Variants in IL7 observed in about 807,000 individuals in gnomAD.
The protein encoded by IL7 is interleukin 7, also known as interleukin-7.
Under a neutral mutation model 21.6 loss-of-function variants are expected in IL7, and 3 were observed. The observed-to-expected ratio is 0.14, with a 90% CI of 0.06 to 0.36. The LOEUF (loss-of-function observed/expected upper bound fraction) is 0.36. IL7 is among the 10% of genes least tolerant of loss of function. The pLI, the probability that IL7 is intolerant of heterozygous loss-of-function variation, is 1.00. For missense variants in IL7, 175 were observed against 200.2 expected, an observed-to-expected ratio of 0.87 and a Z score of 0.76; for synonymous variants, 62 against 68.1, an observed-to-expected ratio of 0.91 and a Z score of 0.44.
chr8:78,721,221 G>A (rs573991764), intron 4 of IL7: 4 of 152,036 alleles, frequency 2.6e-5, no homozygotes, highest in Admixed American at 6.6e-5. Flanking sequence ...CAAAAAGTGC[G>A]GCAGAAATAT....
At chr8:78,791,865 C>T (rs188123608) in intron 2 of IL7, among the ~76,000 whole-genome samples, 1 of 152,112 alleles carries the variant, frequency 6.6e-6, no homozygotes. Context: ...TTAGTAATTG[C>T]TCAGAGATAT....
At chr8:78,762,056 T>A in intron 2 of IL7, 2 of 1,603,728 alleles carry the variant, frequency 1.2e-6, no homozygotes, top group Non-Finnish European at 1.7e-6. Flanking sequence ...TTGTTCCTGC[T>A]CAGAAGTTTC....
At chr8:78,790,935 G>T (rs1170952492) in intron 2 of IL7, among the ~76,000 whole-genome samples, 2 of 147,614 alleles carry the variant, frequency 1.4e-5, no homozygotes, top group African/African-American at 2.5e-5. Flanking sequence ...AAAAAAAAAA[G>T]TAAAATGATT....
chr8:78,786,757 A>G (rs929336075), intron 2 of IL7, among the ~76,000 whole-genome samples: 1 of 152,044 alleles, frequency 6.6e-6, no homozygotes, highest in Non-Finnish European at 1.5e-5. Context: ...GAAACCTCCA[A>G]AGGAATGTCT....
intron 2 of IL7, among the ~76,000 whole-genome samples, chr8:78,792,176 T>C (rs1813719715): frequency 6.6e-6 from 1 of 152,042 alleles, no homozygotes; most frequent in Non-Finnish European, 1.5e-5. Flanking sequence ...TGTCCAGACA[T>C]TCAATGAGGG....
At chr8:78,737,085 T>G (rs1811618511) in intron 4 of IL7, among the ~76,000 whole-genome samples, 1 of 152,166 alleles carries the variant, frequency 6.6e-6, no homozygotes, top group Admixed American at 6.5e-5. Flanking sequence ...AAGATTTAAA[T>G]TATTTGCATA....
At chr8:78,722,521 CCA>C (rs1811259812) in intron 3 of IL7, among the ~76,000 whole-genome samples, 1 of 151,808 alleles carries the variant, frequency 6.6e-6, no homozygotes, top group African/African-American at 2.4e-5. Flanking sequence ...GGTATAGAAA[CCA>C]CACCCTATGT....
chr8:78,700,291 G>C (rs893293448), intron 3 of IL7, among the ~76,000 whole-genome samples: 1 of 151,868 alleles, frequency 6.6e-6, no homozygotes, highest in South Asian at 2.1e-4. Flanking sequence ...GTTCATGTCT[G>C]TTGTCCACTT....
intron 3 of IL7, chr8:78,686,480 A>G: frequency 6.6e-7 from 1 of 1,506,868 alleles, no homozygotes. Context: ...GAACCACCAA[A>G]GAAACCATCT....
At chr8:78,732,242 G>GA (rs1326407644), downstream of IL7, among the ~76,000 whole-genome samples, 1 of 152,014 alleles carries the variant, frequency 6.6e-6, no homozygotes, top group Non-Finnish European at 1.5e-5. Flanking sequence ...TAACCAAACA[G>GA]AAAAAAATAC....
At chr8:78,724,395 A>G (rs1197447928) in intron 3 of IL7, among the ~76,000 whole-genome samples, 2 of 151,964 alleles carry the variant, frequency 1.3e-5, no homozygotes, top group East Asian at 3.9e-4. Flanking sequence ...CTGTTTTCAT[A>G]TATTTGCCTA....
At chr8:78,722,285 GTTTATT>G (rs1247682174) in intron 3 of IL7, among the ~76,000 whole-genome samples, 6 of 151,866 alleles carry the variant, frequency 4.0e-5, no homozygotes, top group Non-Finnish European at 7.4e-5. Context: ...ACTTAAGCTA[GTTTATT>G]TTTATAAAAG....
At position 78,711,906 on chromosome 8, in the gene IL7, A is replaced by G. The variant is rs557256993; in HGVS notation, n.214+9442T>C. 6.3e-6 allele frequency: 5 copies of G among 790,532 alleles called. No individual in the cohort carries two copies. The African/African-American group carries it at 9.1e-5, about 14-fold the overall frequency. The allele number at this position is 790,532 out of a possible 1,614,324, so 49.0% of individuals were successfully genotyped here. On this transcript the variant is annotated intron_variant and non_coding_transcript_variant, in intron 3 of 4. Transcript: ENST00000523959. ...GACTTGGGGAGTAGATATCTGATGA[A>G]CCAGAATAATGTCTTTTAAAAAAAC...
intron 2 of IL7, among the ~76,000 whole-genome samples, chr8:78,768,402 T>C (rs1812831851): frequency 1.3e-5 from 2 of 149,312 alleles, no homozygotes; most frequent in African/African-American, 4.9e-5. Flanking sequence ...GTAAAAGTGT[T>C]CCTATTTCTC....
At chr8:78,679,098 T>G (rs1355411697) in intron 4 of IL7, 1 of 152,462 alleles carries the variant, frequency 6.6e-6, no homozygotes, top group Non-Finnish European at 1.5e-5. Flanking sequence ...CATTTTAGCA[T>G]AATAGATACT....
At chr8:78,722,947 A>G (rs1811268002) in intron 3 of IL7, among the ~76,000 whole-genome samples, 1 of 151,770 alleles carries the variant, frequency 6.6e-6, no homozygotes, top group Non-Finnish European at 1.5e-5. Context: ...GGCACTTTAA[A>G]GATAGCAATC....
chr8:78,698,606 C>G, intron 3 of IL7: 1 of 946,404 alleles, frequency 1.1e-6, no homozygotes, highest in Non-Finnish European at 1.5e-6. Context: ...CATTCATCTT[C>G]ATTTCCTAAG....
intron 2 of IL7, among the ~76,000 whole-genome samples, chr8:78,743,898 C>T (rs757401894): frequency 1.3e-5 from 2 of 152,078 alleles, no homozygotes; most frequent in Admixed American, 1.3e-4. Context: ...TTTCCGGTAG[C>T]TGAAGGTATC....
chr8:78,775,500 A>G (rs1339355019), intron 2 of IL7, among the ~76,000 whole-genome samples: 1 of 152,146 alleles, frequency 6.6e-6, no homozygotes, highest in Non-Finnish European at 1.5e-5. Context: ...CTGACATTGA[A>G]TAGTTTTACA....
Sources: gnomAD v4.1 joint callset for allele counts (sites outside exome capture counted in the v4.1 genomes callset) on GRCh38, gnomAD v4.1.1 for gene constraint, MANE v1.5 for transcripts, NCBI Gene and HGNC (gene_info 2026-07-23, HGNC 2026-07-21) for gene names.